RBFOX1: variants seen among roughly 807,000 people sequenced by gnomAD.
RBFOX1 encodes RNA binding protein fox-1 homolog 1.
In RBFOX1, 8 loss-of-function variants were observed where a neutral mutation model predicts 57.7. The observed-to-expected ratio is 0.14, with a 90% CI of 0.08 to 0.25. The LOEUF (loss-of-function observed/expected upper bound fraction) is 0.25, where lower values mean the gene tolerates loss of function less well. Among genes scored for constraint, RBFOX1 ranks in the 10% least tolerant of loss-of-function variants. The pLI, the probability that RBFOX1 is intolerant of heterozygous loss-of-function variation, is 1.00. For missense variants in RBFOX1, 611 were observed against 548.5 expected (o/e 1.11, Z -1.14); for synonymous variants, 326 against 222.4 (o/e 1.47, Z -4.15).
intron 1 of RBFOX1, among the ~76,000 whole-genome samples, chr16:6,099,896 T>G (rs542560294): frequency 2.6e-5 from 4 of 152,232 alleles, no homozygotes; most frequent in Admixed American, 6.5e-5. Context: ...TTTCTCTGTA[T>G]GTCATTTATC....
intron 3 of RBFOX1, among the ~76,000 whole-genome samples, chr16:5,821,542 A>G (rs549417240): frequency 6.6e-6 from 1 of 152,052 alleles, no homozygotes; most frequent in South Asian, 2.1e-4. Context: ...GGATCAAGTG[A>G]TCCTCCTGCT....
intron 1 of RBFOX1, among the ~76,000 whole-genome samples, chr16:5,390,313 C>G (rs1263062379): frequency 7.6e-6 from 1 of 132,150 alleles, no homozygotes; most frequent in Non-Finnish European, 1.6e-5. Context: ...TTTTTAAAGA[C>G]AGTGTTGCTG....
intron 3 of RBFOX1, among the ~76,000 whole-genome samples, chr16:5,629,599 C>G (rs1263939910): frequency 6.6e-6 from 1 of 152,208 alleles, no homozygotes; most frequent in Non-Finnish European, 1.5e-5. Flanking sequence ...CCAATGCCTT[C>G]TGGTTTCCAC....
At chr16:5,953,711 T>TATAC (rs2059567091) in intron 4 of RBFOX1, among the ~76,000 whole-genome samples, 2 of 138,696 alleles carry the variant, frequency 1.4e-5, no homozygotes, top group Non-Finnish European at 3.0e-5. Flanking sequence ...GTCTTATATA[T>TATAC]ATATATATAT....
intron 3 of RBFOX1, among the ~76,000 whole-genome samples, chr16:6,905,176 T>C (rs896308479): frequency 1.3e-5 from 2 of 152,156 alleles, no homozygotes; most frequent in Non-Finnish European, 2.9e-5. Flanking sequence ...CTTTATTCTT[T>C]ATCCATTTTT....
intron 4 of RBFOX1, among the ~76,000 whole-genome samples, chr16:7,441,906 C>T (rs187468018): frequency 1.1e-3 from 167 of 152,306 alleles, no homozygotes; most frequent in Admixed American, 2.6e-3. Context: ...CACAAATAAA[C>T]GTGCCCAGAG....
At chr16:6,774,783 T>C (rs951394014) in intron 3 of RBFOX1, among the ~76,000 whole-genome samples, 4 of 151,822 alleles carry the variant, frequency 2.6e-5, no homozygotes, top group African/African-American at 9.7e-5. Context: ...ATGGTGGGAG[T>C]GTTTTATACC....
intron 10 of RBFOX1, among the ~76,000 whole-genome samples, chr16:7,619,453 CGT>C (rs34329548): frequency 4.0e-4 from 61 of 152,132 alleles, no homozygotes; most frequent in African/African-American, 1.4e-3. Flanking sequence ...TGAAAGGTGA[CGT>C]GTATTTTCTA....
chr16:5,730,606 T>G (rs1451936667), intron 3 of RBFOX1, among the ~76,000 whole-genome samples: 2 of 152,098 alleles, frequency 1.3e-5, no homozygotes. Flanking sequence ...ACATCACCAC[T>G]GCCGTTGTCA....
chr16:7,502,273 C>T (rs986931635), intron 4 of RBFOX1, among the ~76,000 whole-genome samples: 8 of 152,072 alleles, frequency 5.3e-5, no homozygotes, highest in Admixed American at 1.3e-4. Context: ...TTACTATGTG[C>T]GGAAGAAAAA....
intron 3 of RBFOX1, among the ~76,000 whole-genome samples, chr16:6,688,802 G>T (rs150589612): frequency 1.3e-5 from 2 of 151,976 alleles, no homozygotes; most frequent in Admixed American, 6.6e-5. Context: ...ACCACCTCCC[G>T]ACAGGCCCTG....
rs867861773 is a variant in RBFOX1, at chr16:6,450,782, T to C, written c.-64+133725T>C. ...ATATATATGTGTATATATATATATATATATATACATATATATATGTATATA... is the reference window on the plus strand; with the variant it reads ...ATATATATGTGTATATATATATATACATATATACATATATATATGTATATA... On this transcript the variant is annotated intron_variant, in intron 2 of 15. Coordinates refer to ENST00000550418, the MANE Select transcript of RBFOX1 (RefSeq NM_018723.4). Among the ~76,000 whole-genome samples the C allele has an allele frequency of 2.7e-3, 114 of 42,494 alleles. 4 individuals are homozygous for C. The highest frequency in any genetic ancestry group is 0.01 in the Middle Eastern group (1 of 98). 27.9% of individuals were successfully genotyped at this position (42,494 alleles called of 152,430 possible). A position where few individuals can be genotyped will look rare whatever the true frequency, so the allele number is the denominator to read the frequency against.
chr16:6,639,995 C>G (rs1468007190), intron 2 of RBFOX1, among the ~76,000 whole-genome samples: 1 of 152,170 alleles, frequency 6.6e-6, no homozygotes, highest in African/African-American at 2.4e-5. Context: ...AACACTAACA[C>G]CCATATGATG....
At position 7,486,696 on chromosome 16, in the gene RBFOX1, C is replaced by T. The variant is rs188466881; in HGVS notation, c.28-31451C>T. Among the ~76,000 whole-genome samples, 14 of 152,144 alleles carry T rather than the reference C, an allele frequency of 9.2e-5. No homozygotes were observed. The East Asian group carries it at 9.7e-4, about 11-fold the overall frequency. On this transcript the variant is annotated intron_variant, in intron 4 of 15. Transcript: ENST00000550418. Reference sequence around the variant, plus strand: ...TTATGATCTGGGTGGTATCTCCTGCCATTTTGGAGCAGATGCTAAGAAGCA... The same window carrying T: ...TTATGATCTGGGTGGTATCTCCTGCTATTTTGGAGCAGATGCTAAGAAGCA...
chr16:7,283,088 C>A (rs189992934), intron 4 of RBFOX1, among the ~76,000 whole-genome samples: 1 of 152,150 alleles, frequency 6.6e-6, no homozygotes, highest in East Asian at 1.9e-4. Flanking sequence ...TTTTGTATAA[C>A]GACTTTTTTT....
intron 3 of RBFOX1, among the ~76,000 whole-genome samples, chr16:6,768,141 G>T (rs1322549349): frequency 6.6e-6 from 1 of 151,824 alleles, no homozygotes; most frequent in African/African-American, 2.4e-5. Context: ...AGGTTGCAGT[G>T]AGCAGAGATT....
rs1201098291 is a variant in RBFOX1 at position 6,867,432 on chromosome 16, A to AAGGG, written c.-15-184624_-15-184621dup. ...GAAACTAATGAGGATTAAGGGAAGA[A>AAGGG]AGGGGGCCGGGTGTGGGGGCTCACT... On this transcript the variant is annotated intron_variant, in intron 3 of 15. Coordinates refer to ENST00000550418, the MANE Select transcript of RBFOX1 (RefSeq NM_018723.4). Among the ~76,000 whole-genome samples, 2 of 151,276 alleles carry AAGGG rather than the reference A, an allele frequency of 1.3e-5. 1 individual carries two copies. Among genetic ancestry groups the AAGGG allele is most frequent in the East Asian group, 3.9e-4 (2 of 5,112 alleles).
At position 7,597,360 on chromosome 16, in the gene RBFOX1, T is replaced by C; in HGVS notation, c.562-11T>C. ...AGAATATGTGCTTACTTGAGTTTTC[T>C]ATGTACATAGGTAAATAATGCCACA... On this transcript the variant is annotated splice_polypyrimidine_tract_variant and intron_variant, in intron 8 of 15. Coordinates refer to ENST00000550418, the MANE Select transcript of RBFOX1 (RefSeq NM_018723.4). 1.2e-6 allele frequency: 2 copies of C among 1,600,548 alleles called. No individual in the cohort carries two copies. The highest frequency in any genetic ancestry group is 1.7e-6 in the Non-Finnish European group (2 of 1,171,938).
chr16:7,558,769 C>A (rs1216758798), intron 5 of RBFOX1, among the ~76,000 whole-genome samples: 1 of 152,198 alleles, frequency 6.6e-6, no homozygotes, highest in Non-Finnish European at 1.5e-5. Flanking sequence ...CATCCAACTG[C>A]TTCTGGTGCA....
Sources: gnomAD v4.1 joint callset for allele counts (sites outside exome capture counted in the v4.1 genomes callset) on GRCh38, gnomAD v4.1.1 for gene constraint, MANE v1.5 for transcripts, NCBI Gene and HGNC (gene_info 2026-07-23, HGNC 2026-07-21) for gene names.